Variants in U2AF2 observed in about 807,000 individuals in gnomAD.
U2AF2 encodes the protein U2 small nuclear RNA auxiliary factor 2.
A neutral mutation model predicts 52.6 loss-of-function variants in U2AF2; 6 were observed. The observed-to-expected ratio is 0.11, with a 90% CI of 0.06 to 0.23. U2AF2 has a LOEUF of 0.23. U2AF2 is among the 10% of genes least tolerant of loss of function. The pLI is 1.00. For synonymous variants in U2AF2, 284 were observed against 258.2 expected, an observed-to-expected ratio of 1.10 and a Z score of -0.96; for missense variants, 222 against 677.1, an observed-to-expected ratio of 0.33 and a Z score of 7.46.
chr19:55,660,327 G>A, intron 3 of U2AF2, 106 bp downstream of exon 3: 1 of 1,355,664 alleles, frequency 7.4e-7, no homozygotes, highest in Admixed American at 2.1e-5. Flanking sequence ...CAAGCACTGG[G>A]AAGAGTCCAC....
chr19:55,656,901 G>A (rs1983830243), intron 1 of U2AF2, among the ~76,000 whole-genome samples: 1 of 152,214 alleles, frequency 6.6e-6, no homozygotes, highest in South Asian at 2.1e-4. Flanking sequence ...GTCAGAGTTG[G>A]GAAAGGGCAG....
intron 5 of U2AF2, 39 bp from the exon 6 acceptor site, chr19:55,662,463 T>TG: frequency 5.6e-6 from 2 of 358,726 alleles, no homozygotes; most frequent in South Asian, 2.2e-5. Context: ...TCCACCTCCC[T>TG]TCCCCCGCCC....
At chr19:55,667,332 T>C (rs1327113422) in intron 7 of U2AF2, among the ~76,000 whole-genome samples, 2 of 152,078 alleles carry the variant, frequency 1.3e-5, no homozygotes, top group Admixed American at 6.6e-5. Flanking sequence ...TCACACTTGG[T>C]GTGGAGGCTG....
In U2AF2 at chr19:55,660,496, T is replaced by TGGCC; in HGVS notation, c.231-20_231-19insGGCC. On this transcript the variant is annotated intron_variant, in intron 3 of 11. Transcript: ENST00000308924. ...AGACTGAGGTTGCCCTGCCCCGCTC[T>TGGCC]CCCCTCCCACCTCCCCCAGTCGTTC... 2 of 894,578 alleles carry TGGCC rather than the reference T, an allele frequency of 2.2e-6. No homozygotes were observed. The highest frequency in any genetic ancestry group is 3.6e-6 in the Non-Finnish European group (2 of 553,304). The allele number at this position is 894,578 out of a possible 1,614,324, so 55.4% of individuals were successfully genotyped here.
chr19:55,671,953 C>CATCTCTACTAAAAA (rs1984947501), intron 11 of U2AF2: 2 of 152,148 alleles, frequency 1.3e-5, no homozygotes, highest in Admixed American at 1.3e-4. Flanking sequence ...GGTGAAACCC[C>CATCTCTACTAAAAA]ATCTCTACTA....
chr19:55,669,348 C>A, intron 10 of U2AF2, 96 bp from the exon 11 acceptor site: 1 of 1,543,028 alleles, frequency 6.5e-7, no homozygotes, highest in Non-Finnish European at 8.7e-7. Context: ...GAGAGATGGC[C>A]TTTCCCCTGG....
intron 1 of U2AF2, 62 bp downstream of exon 1, chr19:55,655,215 C>A (rs1026761001): frequency 1.4e-5 from 22 of 1,536,250 alleles, no homozygotes; most frequent in Admixed American, 3.8e-5. Flanking sequence ...TCTTTGCCCC[C>A]CCGCCATTTT....
Position 55,655,084 on chromosome 19 carries a change from G to T in U2AF2, c.-21G>T, listed in dbSNP as rs751755361. The T allele has an allele frequency of 1.9e-6, 3 of 1,605,804 alleles. No individual in the cohort carries two copies. The South Asian group carries it at 3.3e-5, about 18-fold the overall frequency. On this transcript the variant is annotated 5_prime_UTR_variant, in exon 1 of 12. Coordinates refer to ENST00000308924, the MANE Select transcript of U2AF2 (RefSeq NM_007279.3). ...CAAGGCGAGGCGAAAGCTGCACAGG[G>T]CCCTACGCGGCCGCCTCAGCATGTC...
In U2AF2 at chr19:55,669,594, G is replaced by C. The variant is rs765877006; in HGVS notation, c.1195G>C (p.Val399Leu). ...GGACGACGAGGAGTATGAGGAGATC[G>C]TGGAGGACGTGCGGGACGAGTGCAG... ...LLDDEEYEEI[V>L]EDVRDECSKY... Residue 399 changes from valine (V) to leucine (L), a missense_variant, in exon 11 of 12, where the codon GTG (valine) becomes CTG (leucine). By Grantham distance (32) the Val-to-Leu change is conservative (BLOSUM62 1). Around this residue, in one of 4 missense-constraint regions of U2AF2, gnomAD observed 71 missense variants for 180.6 expected, o/e 0.39. Transcript: ENST00000308924. 2 of 1,613,880 alleles carry C rather than the reference G, an allele frequency of 1.2e-6. No homozygotes were observed. Among genetic ancestry groups the C allele is most frequent in the Non-Finnish European group, 1.7e-6 (2 of 1,179,904 alleles).
intron 7 of U2AF2, among the ~76,000 whole-genome samples, chr19:55,667,824 T>C (rs1231193552): frequency 6.6e-6 from 1 of 151,592 alleles, no homozygotes; most frequent in South Asian, 2.1e-4. Flanking sequence ...CTCACTCTGT[T>C]GCTCAGGCTG....
rs142173906 is a variant in U2AF2 at position 55,669,630 on chromosome 19, C to T, written c.1231C>T (p.Leu411Phe). 73 of 1,613,170 alleles carry T rather than the reference C, an allele frequency of 4.5e-5. No homozygotes were observed. Among genetic ancestry groups the T allele is most frequent in the Admixed American group, 6.7e-5 (4 of 59,994 alleles). ...DVRDECSKYG[L>F]VKSIEIPRPV... Reference sequence around the variant, plus strand: ...GCGGGACGAGTGCAGCAAGTACGGGCTTGTCAAGTCCATCGAGATCCCCCG... The same window carrying T: ...GCGGGACGAGTGCAGCAAGTACGGGTTTGTCAAGTCCATCGAGATCCCCCG... Residue 411 changes from leucine (L) to phenylalanine (F), a missense_variant, in exon 11 of 12, where the codon CTT becomes TTT. Physicochemically the swap from Leu to Phe is conservative, Grantham distance 22. This residue lies in a region of U2AF2 where 71 missense variants were observed against 180.6 expected (regional missense o/e 0.39). Coordinates refer to ENST00000308924, the MANE Select transcript of U2AF2 (RefSeq NM_007279.3).
intron 5 of U2AF2, 31 bp from the exon 6 acceptor site, chr19:55,662,471 C>A: frequency 9.2e-7 from 1 of 1,088,068 alleles, no homozygotes; most frequent in Non-Finnish European, 1.3e-6. Context: ...CCTTCCCCCG[C>A]CCCCCCCCTT....
intron 11 of U2AF2, among the ~76,000 whole-genome samples, 169 bp from the exon 12 acceptor site, chr19:55,673,765 T>C (rs956596737): frequency 1.3e-5 from 2 of 152,214 alleles, no homozygotes; most frequent in African/African-American, 4.8e-5. Flanking sequence ...TCCTGGAGAA[T>C]ATTTGGGTGA....
At position 55,665,245 on chromosome 19, in the gene U2AF2, C is replaced by A. The variant is rs138104431; in HGVS notation, c.742+1501C>A. On this transcript the variant is annotated intron_variant, in intron 7 of 11. Transcript: ENST00000308924. ...TTGCTGGTGCTTAGTGTGTGTCAGG[C>A]GCTGTCCTAAGTGCCCTCCATGCAC... 2.0e-3 allele frequency among the ~76,000 whole-genome samples: 309 copies of A among 152,302 alleles called. 1 individual carries two copies. The highest frequency in any genetic ancestry group is 3.6e-3 in the Non-Finnish European group (242 of 68,032).
At position 55,655,212 on chromosome 19, in the gene U2AF2, C is replaced by T. The variant is rs567307574; in HGVS notation, c.49+59C>T. On this transcript the variant is annotated intron_variant, in intron 1 of 11. Coordinates refer to ENST00000308924, the MANE Select transcript of U2AF2 (RefSeq NM_007279.3). ...GGCGGCTCCTCGCGTCGCTCTTTGC[C>T]CCCCCGCCATTTTCTCCCTCGCTTC... 701 of 1,536,352 alleles carry T rather than the reference C, an allele frequency of 4.6e-4. 5 individuals carry two copies. In the East Asian group the frequency reaches 0.014, roughly 31 times the overall value.
intron 1 of U2AF2, among the ~76,000 whole-genome samples, chr19:55,657,466 G>A (rs1983869339): frequency 1.3e-5 from 2 of 152,126 alleles, no homozygotes; most frequent in African/African-American, 4.8e-5. Flanking sequence ...TATATCCCAG[G>A]CACCCAGCGG....
intron 7 of U2AF2, among the ~76,000 whole-genome samples, chr19:55,666,384 A>G (rs1412119767): frequency 6.6e-6 from 1 of 152,216 alleles, no homozygotes; most frequent in Non-Finnish European, 1.5e-5. Context: ...ATCCCTGCCA[A>G]GCAGGGCTTG....
At chr19:55,656,225 G>A (rs1393397152) in intron 1 of U2AF2, among the ~76,000 whole-genome samples, 2 of 152,240 alleles carry the variant, frequency 1.3e-5, no homozygotes, top group Non-Finnish European at 1.5e-5. Flanking sequence ...GAAGATTGGA[G>A]ACTTGTTTCT....
intron 7 of U2AF2, among the ~76,000 whole-genome samples, chr19:55,664,714 TC>T (rs1027082924): frequency 2.6e-5 from 4 of 152,160 alleles, no homozygotes; most frequent in Non-Finnish European, 5.9e-5. Context: ...CCAGTGCTTT[TC>T]TTTTTGTTGT....
Sources: allele counts gnomAD v4.1 joint callset (sites outside exome capture counted in the v4.1 genomes callset), GRCh38; gene constraint gnomAD v4.1.1; regional missense constraint gnomAD v4.1.1; transcripts MANE v1.5; gene names NCBI Gene and HGNC (gene_info 2026-07-23, HGNC 2026-07-21).